PDE4C: variants seen among roughly 807,000 people sequenced by gnomAD.
PDE4C encodes the protein 3',5'-cyclic-AMP phosphodiesterase 4C.
In PDE4C, 50 loss-of-function variants were observed where a neutral mutation model predicts 63.9. The observed-to-expected ratio is 0.78, with a 90% CI of 0.62 to 0.99. The LOEUF is 0.99. Ranked by LOEUF, PDE4C falls within the 50% of genes least tolerant of loss-of-function variation. The pLI, the probability that PDE4C is intolerant of heterozygous loss-of-function variation, is 0.00. For missense variants in PDE4C, 777 were observed against 899.1 expected (o/e 0.86, Z 1.74); for synonymous variants, 377 against 385.1 (o/e 0.98, Z 0.25).
intron 4 of PDE4C, 36 bp downstream of exon 4, chr19:18,221,069 C>G (rs776286914): frequency 7.4e-7 from 1 of 1,349,360 alleles, no homozygotes; most frequent in Non-Finnish European, 1.0e-6. Context: ...TTGTCTCTGC[C>G]GGCCCCGCCC....
chr19:18,222,206 G>A lies in PDE4C; in HGVS notation c.264C>T (p.Phe88=), dbSNP rs199934142. 1.7e-5 allele frequency: 28 copies of A among 1,614,162 alleles called. 1 individual carries two copies. In the African/African-American group the frequency reaches 1.9e-4, roughly 11 times the overall value. Reference sequence around the variant, plus strand: ...CATAGTCGCTATCTGAGCGGTACAGGAAGGACTCGCGCCGCTGGCTGTGCG... The same window carrying A: ...CATAGTCGCTATCTGAGCGGTACAGAAAGGACTCGCGCCGCTGGCTGTGCG... Residue 88 remains phenylalanine, a synonymous_variant, in exon 2 of 15, where the codon TTC becomes TTT. Transcript: ENST00000262805.
chr19:18,208,519 C>T (rs1159183832), downstream of PDE4C: 3 of 151,856 alleles, frequency 2.0e-5, no homozygotes, highest in East Asian at 1.9e-4. Flanking sequence ...CTCCCACGCC[C>T]GCCACCAGGG....
chr19:18,228,869 G>C (rs1369695724), upstream of PDE4C, among the ~76,000 whole-genome samples: 2 of 152,158 alleles, frequency 1.3e-5, no homozygotes, highest in African/African-American at 2.4e-5. Context: ...CTGCATTACT[G>C]CATCTCCTGT....
chr19:18,220,931 A>G lies in PDE4C; in HGVS notation c.450-8T>C. 2 of 1,600,902 alleles carry G rather than the reference A, an allele frequency of 1.2e-6. No homozygotes were observed. The highest frequency in any genetic ancestry group is 8.5e-7 in the Non-Finnish European group (1 of 1,175,392). ...TTTCCGACGGGTCCCTGCCTGCGGT[A>G]CAGCAGCCTCAGGCGTGGCTGCTCC... On this transcript the variant is annotated splice_polypyrimidine_tract_variant and splice_region_variant and intron_variant, in intron 4 of 14. Coordinates refer to ENST00000262805, the Ensembl canonical transcript of PDE4C. This position sits in a 1 kb window ranked among gnomAD's most constrained non-coding sequence, Gnocchi z 5.1.
chr19:18,220,397 C>A lies in PDE4C; in HGVS notation c.612+6G>T. 1 of 1,613,624 alleles carries A rather than the reference C, an allele frequency of 6.2e-7. No homozygotes were observed. The highest frequency in any genetic ancestry group is 8.5e-7 in the Non-Finnish European group (1 of 1,179,514). ...CAGGTGAGCTCAGCGATCTGCCCCACCTCACCTTGTTGGAGGCCATCTCCC... is the reference window on the plus strand; with the variant it reads ...CAGGTGAGCTCAGCGATCTGCCCCAACTCACCTTGTTGGAGGCCATCTCCC... On this transcript the variant is annotated splice_donor_region_variant and intron_variant, in intron 6 of 14. Coordinates refer to ENST00000262805, the Ensembl canonical transcript of PDE4C. This position sits in a 1 kb window ranked among gnomAD's most constrained non-coding sequence, Gnocchi z 5.1.
upstream of PDE4C, among the ~76,000 whole-genome samples, chr19:18,251,909 CGCATA>C (rs1969234719): frequency 2.0e-5 from 3 of 151,864 alleles, no homozygotes; most frequent in Admixed American, 2.0e-4. Context: ...TTAATAAATG[CGCATA>C]GCATGAAGAG....
chr19:18,243,071 C>T (rs1006275971), intron 1 of PDE4C, among the ~76,000 whole-genome samples: 3 of 151,946 alleles, frequency 2.0e-5, no homozygotes, highest in Non-Finnish European at 4.4e-5. Flanking sequence ...GCCATAGCCA[C>T]GGGGTGTGAG....
At chr19:18,232,877 C>T (rs1968878251) in intron 1 of PDE4C, 1 of 1,390,542 alleles carries the variant, frequency 7.2e-7, no homozygotes, top group African/African-American at 1.5e-5. Flanking sequence ...GAAGCAAGGA[C>T]CCTCCCCCAC....
chr19:18,228,326 C>T (rs1968784503), upstream of PDE4C, among the ~76,000 whole-genome samples: 1 of 152,184 alleles, frequency 6.6e-6, no homozygotes, highest in African/African-American at 2.4e-5. Flanking sequence ...GCTTCAAAAA[C>T]ATGCAGCACT....
exon 8 of PDE4C, chr19:18,219,388 G>A: frequency 6.2e-7 from 1 of 1,602,406 alleles, no homozygotes; most frequent in African/African-American, 1.3e-5. Context: ...CTCCACCTCG[G>A]TCTGCTGGTC....
At chr19:18,230,100 A>G (rs8112975), upstream of PDE4C, among the ~76,000 whole-genome samples, 37,284 of 151,882 alleles carry the variant, frequency 0.25, 4,686 homozygotes, top group Middle Eastern at 0.3. Context: ...CATGGATACA[A>G]CTTCACATTT....
At chr19:18,250,034 T>C, upstream of PDE4C, 1 of 398,624 alleles carries the variant, frequency 2.5e-6, no homozygotes, top group East Asian at 3.6e-5. Context: ...ACACGAGGCC[T>C]TGGATGAATG....
chr19:18,240,056 T>C (rs1168444334), intron 1 of PDE4C, among the ~76,000 whole-genome samples: 2 of 151,652 alleles, frequency 1.3e-5, no homozygotes, highest in African/African-American at 4.8e-5. Flanking sequence ...CTCTGCCTCC[T>C]GGGTTCAAGT....
chr19:18,253,492 A>T, the PDE4C span, among the ~76,000 whole-genome samples: 1 of 151,906 alleles, frequency 6.6e-6, no homozygotes, highest in Non-Finnish European at 1.5e-5. Context: ...TCAAGGCTGC[A>T]GTAAGCCATG....
chr19:18,220,601 C>T lies in PDE4C; in HGVS notation c.500-86G>A, dbSNP rs1381166173. 1 of 1,216,824 alleles carries T rather than the reference C, an allele frequency of 8.2e-7. No individual in the cohort carries two copies. The highest frequency in any genetic ancestry group is 1.5e-5 in the African/African-American group (1 of 66,294). 75.4% of individuals were successfully genotyped at this position (1,216,824 alleles called of 1,614,324 possible). A position where few individuals can be genotyped will look rare whatever the true frequency, so the allele number is the denominator to read the frequency against. On this transcript the variant is annotated intron_variant, in intron 5 of 14. Transcript: ENST00000262805. The surrounding 1 kb of genome is among the most constrained non-coding windows in gnomAD (Gnocchi z 5.1). The stretch of plus-strand genomic sequence containing the variant: ...CGCGACTTCGTCTCTTCATCTGGAC[C>T]CTGAAACTGTTCCCACGGGGGCCAC...
In PDE4C at chr19:18,213,375, C is replaced by T. The variant is rs371170617; in HGVS notation, c.1505G>A (p.Arg502Gln). Residue 502 changes from arginine to glutamine, a missense_variant, in exon 13 of 15, where the codon CGA becomes CAA. Physicochemically the swap from Arg to Gln is conservative, Grantham distance 43. Coordinates refer to ENST00000262805, the Ensembl canonical transcript of PDE4C. ...GCCCATCCAGCTACACACCTGGATT[C>T]GGTCGGAATAGTTGTCCAGGAGGAG... 6.3e-5 allele frequency: 101 copies of T among 1,612,884 alleles called. No individual in the cohort carries two copies. The Admixed American group carries it at 1.6e-3, about 25-fold the overall frequency.
At chr19:18,232,822 C>T (rs1412685881) in intron 1 of PDE4C, 2 of 1,138,050 alleles carry the variant, frequency 1.8e-6, no homozygotes, top group African/African-American at 3.3e-5. Flanking sequence ...TTTTTCCTTC[C>T]AGGCGCCAGC....
intron 13 of PDE4C, 83 bp from the exon 14 acceptor site, chr19:18,212,024 A>G (rs1600055489): frequency 7.3e-7 from 1 of 1,373,784 alleles, no homozygotes; most frequent in South Asian, 1.2e-5. Flanking sequence ...GCTTGGTGCC[A>G]TGGACACATT....
At chr19:18,226,386 G>A (rs770869290) in exon 1 of PDE4C, 1 of 1,463,264 alleles carries the variant, frequency 6.8e-7, no homozygotes, top group Non-Finnish European at 9.0e-7. Flanking sequence ...CGGGCCCGGG[G>A]ACCGGGGCGG....
Sources: allele counts gnomAD v4.1 joint callset (sites outside exome capture counted in the v4.1 genomes callset), GRCh38; gene constraint gnomAD v4.1.1; non-coding constraint Gnocchi (gnomAD v3.1); transcripts MANE v1.5; gene names NCBI Gene and HGNC (gene_info 2026-07-23, HGNC 2026-07-21).